ADGRB3: variants seen among roughly 807,000 people sequenced by gnomAD.
The protein encoded by ADGRB3 is adhesion G protein-coupled receptor B3, also known as brain-specific angiogenesis inhibitor 3.
A neutral mutation model predicts 193.4 loss-of-function variants in ADGRB3; 37 were observed. That is an observed-to-expected ratio of 0.19 (90% CI 0.15 to 0.25). The LOEUF is 0.25. Among genes scored for constraint, ADGRB3 ranks in the 10% least tolerant of loss-of-function variants. The probability of loss-of-function intolerance (pLI) is 1.00; values close to 1 mark genes in which losing one functional copy is unlikely to be tolerated. For synonymous variants in ADGRB3, 690 were observed against 644.2 expected (o/e 1.07, Z -1.08); for missense variants, 1,637 against 1,852.9 (o/e 0.88, Z 2.14).
At chr6:68,935,547 C>T (rs1767464820) in intron 4 of ADGRB3, among the ~76,000 whole-genome samples, 1 of 151,938 alleles carries the variant, frequency 6.6e-6, no homozygotes. Context: ...AATTTTTTTT[C>T]AATGACTAAA....
chr6:69,387,339 A>C (rs1770095967), intron 31 of ADGRB3, among the ~76,000 whole-genome samples: 1 of 152,114 alleles, frequency 6.6e-6, no homozygotes, highest in South Asian at 2.1e-4. Flanking sequence ...AGGAAGGATA[A>C]GGCAGAGGTA....
intron 17 of ADGRB3, among the ~76,000 whole-genome samples, chr6:69,191,342 T>C (rs1443945036): frequency 6.6e-6 from 1 of 152,196 alleles, no homozygotes; most frequent in Non-Finnish European, 1.5e-5. Context: ...GTTGAAATTA[T>C]ATATTTTCAT....
chr6:68,908,195 C>A (rs1766601040), intron 3 of ADGRB3, among the ~76,000 whole-genome samples: 1 of 151,950 alleles, frequency 6.6e-6, no homozygotes, highest in Non-Finnish European at 1.5e-5. Flanking sequence ...CTGCTACTCT[C>A]AAAAAGAAAC....
chr6:68,890,773 A>G (rs1766051622), intron 3 of ADGRB3, among the ~76,000 whole-genome samples: 1 of 152,206 alleles, frequency 6.6e-6, no homozygotes, highest in Non-Finnish European at 1.5e-5. Context: ...CCTAGTATTG[A>G]ATCTCAAAGA....
chr6:69,039,177 T>C (rs1333807384), intron 13 of ADGRB3, among the ~76,000 whole-genome samples: 1 of 151,844 alleles, frequency 6.6e-6, no homozygotes, highest in African/African-American at 2.4e-5. Flanking sequence ...ATACTGGCAA[T>C]TGGATATGCC....
At chr6:68,854,516 T>C (rs1278699726) in intron 3 of ADGRB3, among the ~76,000 whole-genome samples, 1 of 151,784 alleles carries the variant, frequency 6.6e-6, no homozygotes, top group East Asian at 2.0e-4. Context: ...ATTGTATATA[T>C]AAATTTTAAA....
chr6:69,273,581 G>A (rs965448008), intron 20 of ADGRB3, among the ~76,000 whole-genome samples: 7 of 152,170 alleles, frequency 4.6e-5, no homozygotes, highest in South Asian at 4.1e-4. Context: ...AGAATCAAAA[G>A]CACTTTCATC....
intron 3 of ADGRB3, among the ~76,000 whole-genome samples, chr6:68,780,449 A>T (rs1766831166): frequency 6.6e-6 from 1 of 152,104 alleles, no homozygotes; most frequent in Non-Finnish European, 1.5e-5. Context: ...TGAGGAAAGG[A>T]TTAGAAAAGA....
At chr6:68,702,968 G>A (rs1399405430) in intron 3 of ADGRB3, among the ~76,000 whole-genome samples, 2 of 152,090 alleles carry the variant, frequency 1.3e-5, no homozygotes, top group Non-Finnish European at 2.9e-5. Context: ...ATAGACCTAT[G>A]TTTTTCTAAA....
chr6:69,312,051 A>G (rs1432466865), intron 20 of ADGRB3, among the ~76,000 whole-genome samples: 1 of 151,726 alleles, frequency 6.6e-6, no homozygotes, highest in Non-Finnish European at 1.5e-5. Context: ...GAGCATGCCT[A>G]CCTGTGGAGC....
intron 3 of ADGRB3, among the ~76,000 whole-genome samples, chr6:68,805,154 A>G (rs980856230): frequency 3.3e-5 from 5 of 152,084 alleles, no homozygotes; most frequent in African/African-American, 4.8e-5. Flanking sequence ...GCTGGTATCT[A>G]TCTAATTCCC....
chr6:68,748,652 G>C (rs912181850), intron 3 of ADGRB3, among the ~76,000 whole-genome samples: 1 of 152,088 alleles, frequency 6.6e-6, no homozygotes, highest in Admixed American at 6.6e-5. Flanking sequence ...CCAGGTGCAT[G>C]GTGCAAGGAG....
At chr6:69,387,398 ATAAT>A (rs1376611359) in intron 31 of ADGRB3, among the ~76,000 whole-genome samples, 1 of 152,158 alleles carries the variant, frequency 6.6e-6, no homozygotes, top group African/African-American at 2.4e-5. Flanking sequence ...TGACTAAAGC[ATAAT>A]TAATTAATTC....
At chr6:69,280,588 T>A (rs554460878) in intron 20 of ADGRB3, among the ~76,000 whole-genome samples, 6 of 152,190 alleles carry the variant, frequency 3.9e-5, no homozygotes, top group Admixed American at 6.5e-5. Context: ...ATTGTGAAGA[T>A]TAAATGAGTT....
chr6:69,022,130 G>A (rs1191200801), intron 13 of ADGRB3, among the ~76,000 whole-genome samples: 3 of 151,650 alleles, frequency 2.0e-5, no homozygotes, highest in Non-Finnish European at 3.0e-5. Flanking sequence ...ATTTACTAAA[G>A]ACTAAATGCT....
At chr6:69,384,425 A>G (rs1770017928) in intron 31 of ADGRB3, among the ~76,000 whole-genome samples, 1 of 152,120 alleles carries the variant, frequency 6.6e-6, no homozygotes, top group Admixed American at 6.6e-5. Context: ...CACATTACCT[A>G]CTCATTTCGA....
chr6:68,744,640 G>T (rs1293389305), intron 3 of ADGRB3, among the ~76,000 whole-genome samples: 2 of 152,090 alleles, frequency 1.3e-5, no homozygotes, highest in African/African-American at 4.8e-5. Context: ...CACAAAAACA[G>T]AAAACCAAAC....
chr6:68,815,908 T>C (rs1287089410), intron 3 of ADGRB3, among the ~76,000 whole-genome samples: 3 of 152,060 alleles, frequency 2.0e-5, no homozygotes, highest in African/African-American at 4.8e-5. Context: ...AAACTTTATA[T>C]CTTAAATGAA....
At chr6:68,900,667 C>A (rs1205386470) in intron 3 of ADGRB3, among the ~76,000 whole-genome samples, 2 of 152,180 alleles carry the variant, frequency 1.3e-5, no homozygotes, top group Middle Eastern at 6.8e-3. Flanking sequence ...ACACATTGAT[C>A]AGCAATATGA....
Sources: gnomAD v4.1 joint callset for allele counts (sites outside exome capture counted in the v4.1 genomes callset) on GRCh38, gnomAD v4.1.1 for gene constraint, MANE v1.5 for transcripts, NCBI Gene and HGNC (gene_info 2026-07-23, HGNC 2026-07-21) for gene names.